JMJD1C: variants seen among roughly 807,000 people sequenced by gnomAD.
The protein encoded by JMJD1C is jumonji domain containing 1C.
A neutral mutation model predicts 245.3 loss-of-function variants in JMJD1C; 31 were observed. That is an observed-to-expected ratio of 0.13 (90% CI 0.09 to 0.17). The LOEUF (loss-of-function observed/expected upper bound fraction) is 0.17, where lower values mean the gene tolerates loss of function less well. Among genes scored for constraint, JMJD1C ranks in the 10% least tolerant of loss-of-function variants. The pLI is 1.00. For missense variants in JMJD1C, 2,691 were observed against 3,000.2 expected, an observed-to-expected ratio of 0.90 and a Z score of 2.41; for synonymous variants, 1,057 against 1,017.4, an observed-to-expected ratio of 1.04 and a Z score of -0.74.
At chr10:63,340,334 T>C (rs1042186784) in intron 2 of JMJD1C, among the ~76,000 whole-genome samples, 2 of 152,124 alleles carry the variant, frequency 1.3e-5, no homozygotes, top group African/African-American at 2.4e-5. Flanking sequence ...TTGGCCAAAA[T>C]GGCACATACA....
chr10:63,327,411 C>T (rs1941645431), intron 2 of JMJD1C, among the ~76,000 whole-genome samples: 1 of 152,136 alleles, frequency 6.6e-6, no homozygotes, highest in African/African-American at 2.4e-5. Flanking sequence ...GAGAAAGTTA[C>T]TTCATTGCCA....
chr10:63,307,568 G>A (rs1246798516), intron 2 of JMJD1C, among the ~76,000 whole-genome samples: 1 of 152,130 alleles, frequency 6.6e-6, no homozygotes, highest in Non-Finnish European at 1.5e-5. Flanking sequence ...CAGAGAAGCT[G>A]AGAACCAACC....
At chr10:63,346,516 C>T (rs1343625929) in intron 2 of JMJD1C, among the ~76,000 whole-genome samples, 1 of 152,228 alleles carries the variant, frequency 6.6e-6, no homozygotes, top group Non-Finnish European at 1.5e-5. Context: ...CATACTTCAA[C>T]CACTCATGAA....
chr10:63,218,336 T>C (rs1460847287), intron 4 of JMJD1C, among the ~76,000 whole-genome samples: 1 of 152,080 alleles, frequency 6.6e-6, no homozygotes, highest in Non-Finnish European at 1.5e-5. Context: ...CAATGAACTG[T>C]AGAAAGTATT....
chr10:63,478,438 T>C (rs1413855943), intron 1 of JMJD1C, among the ~76,000 whole-genome samples: 1 of 152,084 alleles, frequency 6.6e-6, no homozygotes. Context: ...CAACAATAAA[T>C]GAAATATTAT....
intron 1 of JMJD1C, among the ~76,000 whole-genome samples, chr10:63,500,153 C>T (rs1405576334): frequency 5.3e-5 from 8 of 152,150 alleles, no homozygotes; most frequent in African/African-American, 9.7e-5. Context: ...CAGGCATGGT[C>T]GCTCATGCCT....
At chr10:63,213,368 A>G in intron 8 of JMJD1C, 105 bp downstream of exon 8, 2 of 746,752 alleles carry the variant, frequency 2.7e-6, no homozygotes, top group Non-Finnish European at 4.3e-6. Flanking sequence ...ATTCTAACAT[A>G]TTTTATAATA....
chr10:63,355,530 A>G (rs1944760858), intron 2 of JMJD1C, among the ~76,000 whole-genome samples: 1 of 152,156 alleles, frequency 6.6e-6, no homozygotes. Context: ...ACAGAGCCTA[A>G]ATTTATTTAC....
intron 1 of JMJD1C, among the ~76,000 whole-genome samples, chr10:63,492,135 G>A (rs573733566): frequency 2.6e-5 from 4 of 152,328 alleles, no homozygotes; most frequent in African/African-American, 9.6e-5. Flanking sequence ...CTGGGCTCAA[G>A]GGATCCTCCC....
intron 1 of JMJD1C, among the ~76,000 whole-genome samples, chr10:63,463,122 C>A (rs1952912246): frequency 6.6e-6 from 1 of 152,018 alleles, no homozygotes; most frequent in Admixed American, 6.6e-5. Flanking sequence ...AAAAAAATCA[C>A]AAACTAGCCT....
intron 21 of JMJD1C, among the ~76,000 whole-genome samples, chr10:63,183,786 C>T (rs1843761065): frequency 6.6e-6 from 1 of 151,954 alleles, no homozygotes; most frequent in African/African-American, 2.4e-5. Context: ...GATTAAAAAT[C>T]AAATAAATAA....
At chr10:63,472,783 T>C (rs1273633447) in intron 1 of JMJD1C, among the ~76,000 whole-genome samples, 1 of 152,186 alleles carries the variant, frequency 6.6e-6, no homozygotes, top group Non-Finnish European at 1.5e-5. Context: ...AATTCAATTT[T>C]TATTTATTTA....
intron 2 of JMJD1C, among the ~76,000 whole-genome samples, chr10:63,324,443 AAG>A (rs1941288300): frequency 6.6e-6 from 1 of 152,214 alleles, no homozygotes. Context: ...CCCTTGCTCC[AAG>A]AAAGTTCCTG....
In JMJD1C at chr10:63,207,248, G is replaced by A. The variant is rs1589146964; in HGVS notation, c.4421C>T (p.Ser1474Leu). The change falls in exon 10 of 26, where the codon TCA becomes TTA. Residue 1474 changes from serine (S) to leucine (L), a missense_variant. Transcript: ENST00000399262. The stretch of plus-strand genomic sequence containing the variant: ...TAAATGGATAAAATCAGTTGTGCCT[G>A]AGAACCCAGAACTGGGTTGAACAAC... ...GSVVQPSSGF[S>L]GTTDFIHLKK... The A allele has an allele frequency of 6.2e-6, 10 of 1,614,048 alleles. No homozygotes were observed. The highest frequency in any genetic ancestry group is 1.7e-5 in the Admixed American group (1 of 60,022).
chr10:63,420,138 A>G (rs1002943386), intron 1 of JMJD1C, among the ~76,000 whole-genome samples: 3 of 151,862 alleles, frequency 2.0e-5, no homozygotes, highest in African/African-American at 7.2e-5. Context: ...CTGTCTCAAA[A>G]AAAAAAAAAT....
intron 2 of JMJD1C, among the ~76,000 whole-genome samples, chr10:63,362,122 C>G (rs539639673): frequency 6.6e-6 from 1 of 151,746 alleles, no homozygotes; most frequent in African/African-American, 2.4e-5. Context: ...GTAATCCCAG[C>G]TACTAGGGGT....
intron 2 of JMJD1C, among the ~76,000 whole-genome samples, chr10:63,338,640 AT>A (rs34238197): frequency 0.062 from 5,849 of 95,036 alleles, 40 homozygotes; most frequent in Middle Eastern, 0.073. Context: ...TGCTCCTTAG[AT>A]TTTTTTTTTT....
intron 2 of JMJD1C, among the ~76,000 whole-genome samples, chr10:63,344,295 T>G (rs919808003): frequency 1.3e-5 from 2 of 152,198 alleles, no homozygotes; most frequent in Non-Finnish European, 2.9e-5. Flanking sequence ...TGTGTTACAA[T>G]TGCCTAAAAT....
At chr10:63,182,742 CCTT>C (rs1476160885) in intron 22 of JMJD1C, among the ~76,000 whole-genome samples, 1 of 152,168 alleles carries the variant, frequency 6.6e-6, no homozygotes, top group African/African-American at 2.4e-5. Context: ...GAAAAGACCC[CCTT>C]CTTCCTCTTT....
Sources: gnomAD v4.1 joint callset for allele counts (sites outside exome capture counted in the v4.1 genomes callset) on GRCh38, gnomAD v4.1.1 for gene constraint, MANE v1.5 for transcripts, NCBI Gene and HGNC (gene_info 2026-07-23, HGNC 2026-07-21) for gene names.